PCSK7: variants seen among roughly 807,000 people sequenced by gnomAD.
The protein encoded by PCSK7 is lymphoma proprotein convertase.
In PCSK7, 38 loss-of-function variants were observed where a neutral mutation model predicts 73.3. The ratio of observed to expected loss-of-function variants is 0.52; its 90% CI spans 0.40 to 0.68. The LOEUF (loss-of-function observed/expected upper bound fraction) is 0.68, where lower values mean the gene tolerates loss of function less well. PCSK7 is among the 30% of genes least tolerant of loss of function. PCSK7 has a pLI of 0.00. For missense variants in PCSK7, 692 were observed against 991.5 expected, an observed-to-expected ratio of 0.70 and a Z score of 4.06; for synonymous variants, 296 against 383.8, an observed-to-expected ratio of 0.77 and a Z score of 2.68.
In PCSK7 at chr11:117,204,355, G is replaced by C. The variant is rs1434708789; in HGVS notation, c.*1642C>G. 7.4e-6 allele frequency: 12 copies of C among 1,614,218 alleles called. No individual in the cohort carries two copies. The highest frequency in any genetic ancestry group is 2.2e-5 in the East Asian group (1 of 44,878). On this transcript the variant is annotated 3_prime_UTR_variant, in exon 17 of 17. Coordinates refer to ENST00000320934, the MANE Select transcript of PCSK7 (RefSeq NM_004716.4). ...TACGGACGACCTCGGCAGATCATCAGTTAGAGCGGAGAGGGCTAGCCCTGA... is the reference window on the plus strand; with the variant it reads ...TACGGACGACCTCGGCAGATCATCACTTAGAGCGGAGAGGGCTAGCCCTGA...
rs1218394619 is a variant in PCSK7 at position 117,224,208 on chromosome 11, T to C, written c.924A>G (p.Leu308=). The change falls in exon 8 of 17, where the codon TTA becomes TTG. Residue 308 remains leucine, a synonymous_variant. Transcript: ENST00000320934. The part of the protein sequence containing the change: ...DGPHQLGKAA[L]QHGVIAGRQG... ...GGCGACCAGCAATCACCCCATGTTGTAAGGCAGCCTGAGGAGCCAAAACAT... is the reference window on the plus strand; with the variant it reads ...GGCGACCAGCAATCACCCCATGTTGCAAGGCAGCCTGAGGAGCCAAAACAT... 4.3e-6 allele frequency: 7 copies of C among 1,613,958 alleles called. No homozygotes were observed. Among genetic ancestry groups the C allele is most frequent in the Admixed American group, 3.3e-5 (2 of 59,986 alleles).
Position 117,218,495 on chromosome 11 carries a change from G to A in PCSK7, c.1505C>T (p.Ser502Phe), listed in dbSNP as rs147036399. Residue 502 changes from serine (S) to phenylalanine (F), a missense_variant, in exon 12 of 17, where the codon TCC becomes TTC. Transcript: ENST00000320934. The surrounding 1 kb of genome is among the most constrained non-coding windows in gnomAD (Gnocchi z 4.0). ...VLKENKAIPQSPRSLEVLWNV... is the reference protein window; with the variant it reads ...VLKENKAIPQFPRSLEVLWNV... The stretch of plus-strand genomic sequence containing the variant: ...CCACAGGACCTCCAGGGAACGGGGG[G>A]ACTGCGGAATCGCCTTGTTTTCTTT... 3.1e-6 allele frequency: 5 copies of A among 1,608,432 alleles called. No homozygotes were observed. The highest frequency in any genetic ancestry group is 2.2e-5 in the South Asian group (2 of 90,334).
rs2134334845 is a variant in PCSK7, at chr11:117,229,520, C to T, written c.325G>A (p.Glu109Lys). The T allele has an allele frequency of 1.2e-6, 2 of 1,613,010 alleles. No individual in the cohort carries two copies. The highest frequency in any genetic ancestry group is 1.6e-4 in the Middle Eastern group (1 of 6,062). Residue 109 changes from glutamate (E) to lysine (K), a missense_variant, in exon 3 of 17, where the codon GAG becomes AAG. By Grantham distance (56) the Glu-to-Lys change is moderately conservative. This residue lies in a region of PCSK7 where 574 missense variants were observed against 689.8 expected (regional missense o/e 0.83). Transcript: ENST00000320934. Reference sequence around the variant, plus strand: ...ACCTGCTGCCGGATGGCCTCCACCTCCAGGGCCGGCCTGTGCCCAGCAGGC... The same window carrying T: ...ACCTGCTGCCGGATGGCCTCCACCTTCAGGGCCGGCCTGTGCCCAGCAGGC... ...VQPAGHRPALEVEAIRQQVEA... is the reference protein window; with the variant it reads ...VQPAGHRPALKVEAIRQQVEA...
intron 7 of PCSK7, 25 bp downstream of exon 7, chr11:117,224,676 C>T (rs2032341713): frequency 1.9e-6 from 3 of 1,598,144 alleles, no homozygotes; most frequent in Non-Finnish European, 2.6e-6. Flanking sequence ...TCCCGTTTCT[C>T]AGAGTCTTTG....
At chr11:117,211,159 G>C (rs528095222) in intron 12 of PCSK7, 2 of 152,398 alleles carry the variant, frequency 1.3e-5, no homozygotes, top group African/African-American at 4.8e-5. Flanking sequence ...ACCCAGGCTG[G>C]AGTGCAGCGG....
intron 12 of PCSK7, chr11:117,216,882 G>A (rs2032005123): frequency 6.6e-6 from 1 of 152,120 alleles, no homozygotes; most frequent in East Asian, 1.9e-4. Context: ...ATAGTACTTT[G>A]CAAAAAGTTG....
At chr11:117,227,435 G>A (rs1433335457) in intron 4 of PCSK7, 113 bp from the exon 5 acceptor site, 19 of 803,866 alleles carry the variant, frequency 2.4e-5, no homozygotes, top group Non-Finnish European at 4.1e-5. Flanking sequence ...AGGGCGATAA[G>A]CTCATTTCTC....
At chr11:117,225,791 T>C (rs142489365) in intron 6 of PCSK7, 140 bp downstream of exon 6, 64 of 643,026 alleles carry the variant, frequency 1.0e-4, no homozygotes, top group African/African-American at 8.8e-4. Context: ...TCTAGAGAAA[T>C]GAAGGCAATG....
At chr11:117,209,431 T>C in intron 12 of PCSK7, 1 of 216,360 alleles carries the variant, frequency 4.6e-6, no homozygotes, top group Non-Finnish European at 8.9e-6. Context: ...GAAAATGATA[T>C]GGTATGGGAA....
At position 117,219,662 on chromosome 11, in the gene PCSK7, A is replaced by T. The variant is rs775708704; in HGVS notation, c.1252T>A (p.Leu418Ile). The T allele has an allele frequency of 6.2e-7, 1 of 1,612,520 alleles. No individual in the cohort carries two copies. Among genetic ancestry groups the T allele is most frequent in the Non-Finnish European group, 8.5e-7 (1 of 1,179,464 alleles). ...AGGCAGGGCCGCACCTGCAGCATTA[A>T]GGCTATCATGCCAGCTGCCAGAGGC... Reference protein sequence around the residue: ...AAPLAAGMIALMLQVRPCLTW... With the variant: ...AAPLAAGMIAIMLQVRPCLTW... Residue 418 changes from leucine (L) to isoleucine (I), a missense_variant, in exon 10 of 17, where the codon TTA becomes ATA. By Grantham distance (5) the Leu-to-Ile change is conservative (BLOSUM62 2). Coordinates refer to ENST00000320934, the MANE Select transcript of PCSK7 (RefSeq NM_004716.4).
At chr11:117,219,570 G>A in intron 10 of PCSK7, 21 bp downstream of exon 10, 1 of 1,609,502 alleles carries the variant, frequency 6.2e-7, no homozygotes. Flanking sequence ...CAGGCCACTT[G>A]TCTACCTGCT....
At position 117,224,769 on chromosome 11, in the gene PCSK7, A is replaced by C; in HGVS notation, c.861-14T>G. The stretch of plus-strand genomic sequence containing the variant: ...TCTGGTCCCCAGCTGTTGAGAAATA[A>C]ATACCTAGAGGGGACAGCCAGAGCC... On this transcript the variant is annotated splice_polypyrimidine_tract_variant and intron_variant, in intron 6 of 16. Coordinates refer to ENST00000320934, the MANE Select transcript of PCSK7 (RefSeq NM_004716.4). The C allele has an allele frequency of 6.2e-7, 1 of 1,607,770 alleles. No homozygotes were observed. Among genetic ancestry groups the C allele is most frequent in the Non-Finnish European group, 8.5e-7 (1 of 1,174,750 alleles).
rs752585361 is a variant in PCSK7 at position 117,229,723 on chromosome 11, G to A, written c.122C>T (p.Thr41Ile). 4 of 1,613,894 alleles carry A rather than the reference G, an allele frequency of 2.5e-6. No homozygotes were observed. The highest frequency in any genetic ancestry group is 1.1e-5 in the South Asian group (1 of 91,082). ...LVPWVMGLAG[T>I]GGPDGQGTGG... ...TGTGCCCTGGCCATCAGGCCCACCTGTCCCTGCCAGGCCCATGACCCAGGG... is the reference window on the plus strand; with the variant it reads ...TGTGCCCTGGCCATCAGGCCCACCTATCCCTGCCAGGCCCATGACCCAGGG... The change falls in exon 3 of 17, where the codon ACA becomes ATA. Residue 41 changes from threonine to isoleucine, a missense_variant. Coordinates refer to ENST00000320934, the MANE Select transcript of PCSK7 (RefSeq NM_004716.4).
At chr11:117,227,578 G>A (rs1370280899) in intron 4 of PCSK7, among the ~76,000 whole-genome samples, 1 of 152,274 alleles carries the variant, frequency 6.6e-6, no homozygotes, top group South Asian at 2.1e-4. Flanking sequence ...GAGTGGCTGG[G>A]ACTATAGGTG....
intron 12 of PCSK7, chr11:117,213,950 C>CCTTTTT (rs2031843534): frequency 8.3e-6 from 1 of 120,768 alleles, no homozygotes; most frequent in African/African-American, 3.3e-5. Context: ...CTTTTCTTTT[C>CCTTTTT]TTTTTCTTTT....
At chr11:117,219,875 C>T (rs2032126009) in intron 9 of PCSK7, 117 bp from the exon 10 acceptor site, 1 of 694,110 alleles carries the variant, frequency 1.4e-6, no homozygotes, top group South Asian at 2.2e-5. Context: ...TGCTTGAGCA[C>T]AGGAGTTATG....
intron 5 of PCSK7, 58 bp from the exon 6 acceptor site, chr11:117,226,079 T>A: frequency 1.0e-6 from 1 of 957,284 alleles, no homozygotes; most frequent in South Asian, 1.3e-5. Context: ...GCCGGGGAAC[T>A]GGGAGGTGGG....
intron 3 of PCSK7, among the ~76,000 whole-genome samples, chr11:117,228,687 C>A (rs569819993): frequency 1.4e-5 from 2 of 146,890 alleles, no homozygotes; most frequent in South Asian, 4.3e-4. Flanking sequence ...GTGGCAGGAT[C>A]TCGGCTCACT....
chr11:117,209,744 T>G (rs1591788937), intron 12 of PCSK7: 1 of 151,182 alleles, frequency 6.6e-6, no homozygotes, highest in African/African-American at 2.5e-5. Context: ...CCGGGGAGGG[T>G]GAGGTGGGAG....
Sources: allele counts gnomAD v4.1 joint callset (sites outside exome capture counted in the v4.1 genomes callset), GRCh38; gene constraint gnomAD v4.1.1; regional missense constraint gnomAD v4.1.1; non-coding constraint Gnocchi (gnomAD v3.1); transcripts MANE v1.5; gene names NCBI Gene and HGNC (gene_info 2026-07-23, HGNC 2026-07-21).